The following LRRN1 variants were observed in gnomAD, a reference collection of about 807,000 sequenced individuals.
LRRN1 encodes leucine rich repeat neuronal 1, also known as leucine-rich repeat neuronal protein 1.
In LRRN1, 14 loss-of-function variants were observed where a neutral mutation model predicts 45.8. The ratio of observed to expected loss-of-function variants is 0.31; its 90% CI spans 0.20 to 0.48. LRRN1 has a LOEUF of 0.48. Ranked by LOEUF, LRRN1 falls within the 20% of genes least tolerant of loss-of-function variation. The pLI is 0.99. For synonymous variants in LRRN1, 359 were observed against 330.1 expected (o/e 1.09, Z -0.95); for missense variants, 789 against 874.2 (o/e 0.90, Z 1.23).
chr3:3,835,442 T>C (rs1454068278), intron 1 of LRRN1, among the ~76,000 whole-genome samples: 1 of 152,080 alleles, frequency 6.6e-6, no homozygotes, highest in African/African-American at 2.4e-5. Context: ...AGTCAAAAAA[T>C]TGTAAGTTGA....
At chr3:3,805,753 C>T (rs1692737559) in intron 1 of LRRN1, among the ~76,000 whole-genome samples, 3 of 152,166 alleles carry the variant, frequency 2.0e-5, no homozygotes, top group Admixed American at 2.0e-4. Flanking sequence ...CACCACCTCA[C>T]CTGGGCCCGC....
Position 3,846,402 on chromosome 3 carries a change from G to A in LRRN1, c.1761G>A (p.Gln587=), listed in dbSNP as rs1212164200. ...DVHEYNLTHL[Q]PSTDYEVCLT... is the part of the protein sequence containing the mutation. ...ATGAATACAACCTAACGCATCTGCA[G>A]CCTTCCACAGATTATGAAGTGTGTC... Residue 587 remains glutamine, a synonymous_variant, in exon 2 of 2, where the codon CAG becomes CAA. Coordinates refer to ENST00000319331, the MANE Select transcript of LRRN1 (RefSeq NM_020873.7). The surrounding 1 kb of genome is among the most constrained non-coding windows in gnomAD (Gnocchi z 5.7). 3.7e-6 allele frequency: 6 copies of A among 1,613,772 alleles called. No homozygotes were observed. In the African/African-American group the frequency reaches 8.0e-5, roughly 22 times the overall value.
intron 1 of LRRN1, among the ~76,000 whole-genome samples, chr3:3,818,425 G>T (rs1014966546): frequency 6.6e-6 from 1 of 152,264 alleles, no homozygotes; most frequent in Non-Finnish European, 1.5e-5. Context: ...TCTGTGCTGG[G>T]CCTTCTGTCA....
rs767541952 is a variant in LRRN1, at chr3:3,846,195, G to T, written c.1554G>T (p.Gly518=). The T allele has an allele frequency of 2.5e-6, 4 of 1,614,114 alleles. No homozygotes were observed. In the East Asian group the frequency reaches 6.7e-5, roughly 27 times the overall value. Residue 518 remains glycine (G), a synonymous_variant, in exon 2 of 2, where the codon GGG becomes GGT. Coordinates refer to ENST00000319331, the MANE Select transcript of LRRN1 (RefSeq NM_020873.7). The surrounding 1 kb of genome is among the most constrained non-coding windows in gnomAD (Gnocchi z 5.7). ...GGGTGGCAACAATTAAGGTTAATGG[G>T]ACCCTTCTGGATGGTACCCAGGTGC... ...DTRVATIKVN[G]TLLDGTQVLK...
intron 1 of LRRN1, among the ~76,000 whole-genome samples, chr3:3,809,877 GTTCAA>G (rs1692841060): frequency 2.6e-5 from 4 of 152,138 alleles, no homozygotes; most frequent in African/African-American, 9.7e-5. Context: ...TGGTATTTGT[GTTCAA>G]ATCTGACATT....
chr3:3,808,723 GCT>G (rs1333569557), intron 1 of LRRN1, among the ~76,000 whole-genome samples: 2 of 152,132 alleles, frequency 1.3e-5, no homozygotes, highest in Non-Finnish European at 2.9e-5. Flanking sequence ...GACTACGTTA[GCT>G]CTCTTAGCCC....
intron 1 of LRRN1, among the ~76,000 whole-genome samples, chr3:3,818,712 T>G (rs1693037377): frequency 6.6e-6 from 1 of 152,160 alleles, no homozygotes; most frequent in South Asian, 2.1e-4. Context: ...AGGTATTTCT[T>G]GAATAATTAT....
At chr3:3,829,871 C>T (rs1693327853) in intron 1 of LRRN1, among the ~76,000 whole-genome samples, 1 of 152,198 alleles carries the variant, frequency 6.6e-6, no homozygotes, top group Non-Finnish European at 1.5e-5. Flanking sequence ...GAGGACAAAC[C>T]TCTGCCCTTT....
At chr3:3,812,470 G>C (rs1012061433) in intron 1 of LRRN1, among the ~76,000 whole-genome samples, 2 of 152,170 alleles carry the variant, frequency 1.3e-5, no homozygotes, top group African/African-American at 4.8e-5. Context: ...GATCAACAGG[G>C]AGAAGACCAG....
chr3:3,804,907 G>A lies in LRRN1; in HGVS notation c.-279+4988G>A, dbSNP rs977568598. ...ATAAATTAGTCTGCCATTGTATTCC[G>A]GAGCCACCATTTCAATCCAGGGAAG... On this transcript the variant is annotated intron_variant, in intron 1 of 1. Coordinates refer to ENST00000319331, the MANE Select transcript of LRRN1 (RefSeq NM_020873.7). Among the ~76,000 whole-genome samples, 3 of 152,144 alleles carry A rather than the reference G, an allele frequency of 2.0e-5. No individual in the cohort carries two copies. The East Asian group carries it at 5.8e-4, about 29-fold the overall frequency.
intron 1 of LRRN1, among the ~76,000 whole-genome samples, chr3:3,819,954 A>C (rs1245525851): frequency 6.6e-6 from 1 of 152,178 alleles, no homozygotes. Context: ...TCATGTGTGG[A>C]GCTGGATTTT....
rs1693853690 is a variant in LRRN1, at chr3:3,849,576, C to T, written c.*2784C>T. ...TGAAGTGGTTATTATAGGTCACTTT[C>T]TAATTTCATATTTTCCCTTTTGCTT... On this transcript the variant is annotated 3_prime_UTR_variant, in exon 2 of 2. Transcript: ENST00000319331. 6.6e-6 allele frequency among the ~76,000 whole-genome samples: 1 copy of T among 152,166 alleles called. No homozygotes were observed.
chr3:3,824,481 A>G (rs549474151), intron 1 of LRRN1, among the ~76,000 whole-genome samples: 5 of 152,252 alleles, frequency 3.3e-5, no homozygotes, highest in Middle Eastern at 6.8e-3. Flanking sequence ...CAACATTACA[A>G]TCAATTTACT....
intron 1 of LRRN1, among the ~76,000 whole-genome samples, chr3:3,831,925 G>C (rs1002717875): frequency 2.6e-5 from 4 of 152,200 alleles, no homozygotes; most frequent in South Asian, 2.1e-4. Context: ...GTCCTTGCCA[G>C]CTGATGGCAA....
At chr3:3,834,599 T>TCA (rs1693465523) in intron 1 of LRRN1, among the ~76,000 whole-genome samples, 2 of 129,228 alleles carry the variant, frequency 1.5e-5, no homozygotes, top group African/African-American at 2.8e-5. Flanking sequence ...TTTATATACA[T>TCA]TATATATATA....
rs1323025545 is a variant in LRRN1 at position 3,800,966 on chromosome 3, G to C, written c.-279+1047G>C. 2.6e-5 allele frequency: 4 copies of C among 152,474 alleles called. No homozygotes were observed. The East Asian group carries it at 7.7e-4, about 29-fold the overall frequency. The allele number at this position is 152,474 out of a possible 1,614,324, so 9.4% of individuals were successfully genotyped here. A position where few individuals can be genotyped will look rare whatever the true frequency, so the allele number is the denominator to read the frequency against. On this transcript the variant is annotated intron_variant, in intron 1 of 1. Transcript: ENST00000319331. ...GGCGCTTCCCCGCCGCCCGCCCAGGGAGTCCCTGCCTGGCAAGCTGGGGCT... is the reference window on the plus strand; with the variant it reads ...GGCGCTTCCCCGCCGCCCGCCCAGGCAGTCCCTGCCTGGCAAGCTGGGGCT...
chr3:3,811,494 A>G (rs1278391546), intron 1 of LRRN1, among the ~76,000 whole-genome samples: 4 of 152,226 alleles, frequency 2.6e-5, no homozygotes, highest in East Asian at 3.9e-4. Flanking sequence ...CTTCCGTATC[A>G]TATGTCTATT....
Position 3,849,284 on chromosome 3 carries a change from G to A in LRRN1, c.*2492G>A, listed in dbSNP as rs1425191953. On this transcript the variant is annotated 3_prime_UTR_variant, in exon 2 of 2. Coordinates refer to ENST00000319331, the MANE Select transcript of LRRN1 (RefSeq NM_020873.7). The stretch of plus-strand genomic sequence containing the variant: ...ATATAGCAAGCACCGGGAAATCTAA[G>A]ATTTTTCATCAACAATATCTTCTGC... Among the ~76,000 whole-genome samples the A allele has an allele frequency of 2.0e-5, 3 of 152,152 alleles. No individual in the cohort carries two copies. The highest frequency in any genetic ancestry group is 7.2e-5 in the African/African-American group (3 of 41,438).
At chr3:3,817,953 A>G (rs961316098) in intron 1 of LRRN1, among the ~76,000 whole-genome samples, 1 of 152,248 alleles carries the variant, frequency 6.6e-6, no homozygotes, top group Non-Finnish European at 1.5e-5. Flanking sequence ...TGACTTGATC[A>G]GCATCCAAAA....
Sources: allele counts gnomAD v4.1 joint callset (sites outside exome capture counted in the v4.1 genomes callset), GRCh38; gene constraint gnomAD v4.1.1; non-coding constraint Gnocchi (gnomAD v3.1); transcripts MANE v1.5; gene names NCBI Gene and HGNC (gene_info 2026-07-23, HGNC 2026-07-21).